Variants in GOLGA7 observed in about 807,000 individuals in gnomAD.
GOLGA7 encodes golgin subfamily A member 7.
In GOLGA7, 10 loss-of-function variants were observed where a neutral mutation model predicts 21.1. The ratio of observed to expected loss-of-function variants is 0.47; its 90% confidence interval spans 0.29 to 0.80. The LOEUF is 0.80. Among genes scored for constraint, GOLGA7 ranks in the 30% least tolerant of loss-of-function variants. The pLI is 0.08. For missense variants in GOLGA7, 114 were observed against 166.8 expected, an observed-to-expected ratio of 0.68 and a Z score of 1.74; for synonymous variants, 64 against 62.6, an observed-to-expected ratio of 1.02 and a Z score of -0.10.
rs753305743 is a variant in GOLGA7, at chr8:41,490,725, G to T, written c.-130G>T. ...GGGTGAAGGGGAGCGGGGCAGAGGA[G>T]GCCTTGGGCTGTTTTCGGCGGCGGG... is the stretch of plus-strand genomic sequence containing the variant. On this transcript the variant is annotated 5_prime_UTR_variant, in exon 1 of 5. In the 5' UTR this introduces an upstream ATG that the reference lacks. Transcript: ENST00000357743. 8.1e-4 allele frequency: 511 copies of T among 627,714 alleles called. 2 individuals carry two copies. The highest frequency in any genetic ancestry group is 1.0e-3 in the Non-Finnish European group (350 of 347,430). 38.9% of individuals were successfully genotyped at this position (627,714 alleles called of 1,614,324 possible).
intron 1 of GOLGA7, among the ~76,000 whole-genome samples, chr8:41,491,929 G>A (rs1454120264): frequency 6.6e-6 from 1 of 152,182 alleles, no homozygotes; most frequent in Non-Finnish European, 1.5e-5. Flanking sequence ...GTGTGGGACT[G>A]AGAGATGCTG....
At chr8:41,495,438 C>A (rs112770562) in intron 1 of GOLGA7, among the ~76,000 whole-genome samples, 4 of 151,828 alleles carry the variant, frequency 2.6e-5, no homozygotes, top group African/African-American at 9.6e-5. Flanking sequence ...GCATGCACCA[C>A]CACGCCTGGC....
chr8:41,499,290 A>G lies in GOLGA7; in HGVS notation c.264+1629A>G, dbSNP rs554448851. Among the ~76,000 whole-genome samples the G allele has an allele frequency of 1.2e-3, 188 of 152,226 alleles. 1 individual carries two copies. Among genetic ancestry groups the G allele is most frequent in the Non-Finnish European group, 2.3e-3 (156 of 67,996 alleles). Reference sequence around the variant, plus strand: ...CAGCTCCTGAAGCCCCAGTGGGCATATGTTACAGGGTGCTCTTTTAGTTTA... The same window carrying G: ...CAGCTCCTGAAGCCCCAGTGGGCATGTGTTACAGGGTGCTCTTTTAGTTTA... On this transcript the variant is annotated intron_variant, in intron 2 of 4. Coordinates refer to ENST00000357743, the MANE Select transcript of GOLGA7 (RefSeq NM_001002296.2).
At chr8:41,493,032 A>G (rs1805922771) in intron 1 of GOLGA7, among the ~76,000 whole-genome samples, 1 of 152,196 alleles carries the variant, frequency 6.6e-6, no homozygotes, top group South Asian at 2.1e-4. Flanking sequence ...TTGACTCTGT[A>G]TAGCCCAGAA....
Position 41,509,991 on chromosome 8 carries a change from A to G in GOLGA7, c.*423A>G, listed in dbSNP as rs1332571649. 3 of 152,488 alleles carry G rather than the reference A, an allele frequency of 2.0e-5. No homozygotes were observed. Among genetic ancestry groups the G allele is most frequent in the African/African-American group, 7.3e-5 (3 of 41,378 alleles). The allele number at this position is 152,488 out of a possible 1,614,324, so 9.4% of individuals were successfully genotyped here. A position where few individuals can be genotyped will look rare whatever the true frequency, so the allele number is the denominator to read the frequency against. Reference sequence around the variant, plus strand: ...CAAGCCGTATCTTCACCAGTGTTCTATCTTGTTCCCCTAAATTAATAAAAT... The same window carrying G: ...CAAGCCGTATCTTCACCAGTGTTCTGTCTTGTTCCCCTAAATTAATAAAAT... On this transcript the variant is annotated 3_prime_UTR_variant, in exon 5 of 5. Transcript: ENST00000357743.
intron 1 of GOLGA7, among the ~76,000 whole-genome samples, chr8:41,495,548 T>TA (rs1805990673): frequency 6.6e-6 from 1 of 150,540 alleles, no homozygotes. Flanking sequence ...ACTTCCCAAG[T>TA]GCTGGGATTA....
chr8:41,495,146 T>A (rs1322930474), intron 1 of GOLGA7, among the ~76,000 whole-genome samples: 1 of 124,510 alleles, frequency 8.0e-6, no homozygotes, highest in African/African-American at 3.2e-5. Flanking sequence ...GAGGTTACAG[T>A]GAGCCAAGAT....
At chr8:41,497,728 G>C in intron 2 of GOLGA7, 67 bp downstream of exon 2, 4 of 783,486 alleles carry the variant, frequency 5.1e-6, no homozygotes, top group Non-Finnish European at 8.7e-6. Context: ...ATTACACATT[G>C]ATGCTTACAT....
chr8:41,506,799 C>T (rs944299186), intron 3 of GOLGA7, among the ~76,000 whole-genome samples: 1 of 152,104 alleles, frequency 6.6e-6, no homozygotes. Context: ...AATAAAGCAT[C>T]GTTTTCAGAA....
intron 2 of GOLGA7, among the ~76,000 whole-genome samples, chr8:41,504,120 T>TAAAAAAAAAAAAAA (rs58682911): frequency 5.0e-5 from 6 of 121,148 alleles, no homozygotes; most frequent in East Asian, 2.6e-4. Context: ...TAGAGTATAA[T>TAAAAAAAAAAAAAA]AAAAAAAAAA....
At chr8:41,496,367 G>A (rs1490959085) in intron 1 of GOLGA7, among the ~76,000 whole-genome samples, 1 of 152,010 alleles carries the variant, frequency 6.6e-6, no homozygotes, top group Non-Finnish European at 1.5e-5. Flanking sequence ...CCCACTTGTG[G>A]TATCATGTCA....
intron 3 of GOLGA7, among the ~76,000 whole-genome samples, chr8:41,506,478 TTTTTAGA>T (rs1806290188): frequency 6.6e-6 from 1 of 152,200 alleles, no homozygotes; most frequent in Non-Finnish European, 1.5e-5. Context: ...ACTGTGCATA[TTTTTAGA>T]GGCAGTAAGC....
chr8:41,510,557 A>G lies in GOLGA7; in HGVS notation c.*989A>G, dbSNP rs2150449958. 6.5e-6 allele frequency: 1 copy of G among 152,734 alleles called. No individual in the cohort carries two copies. The highest frequency in any genetic ancestry group is 1.9e-4 in the East Asian group (1 of 5,188). 9.5% of individuals were successfully genotyped at this position (152,734 alleles called of 1,614,324 possible). On this transcript the variant is annotated 3_prime_UTR_variant, in exon 5 of 5. Transcript: ENST00000357743. ...CATATACAGTATTCAGTGCACAGAA[A>G]TCTTATGATTGGCTCAAGTACAGTA... is the stretch of plus-strand genomic sequence containing the variant.
chr8:41,501,903 T>C (rs569520125), intron 2 of GOLGA7, among the ~76,000 whole-genome samples: 1 of 152,298 alleles, frequency 6.6e-6, no homozygotes, highest in South Asian at 2.1e-4. Flanking sequence ...ACAATGGAAA[T>C]TGGTTGATCC....
Position 41,492,505 on chromosome 8 carries a change from T to G in GOLGA7, c.111+1540T>G, listed in dbSNP as rs182889919. Among the ~76,000 whole-genome samples the G allele has an allele frequency of 2.1e-3, 312 of 152,170 alleles. 2 individuals are homozygous for G. Among genetic ancestry groups the G allele is most frequent in the African/African-American group, 7.1e-3 (296 of 41,512 alleles). ...GGTGAAACCCCATCTCTACTAAAAA[T>G]ACAAAAATTAGTCAGGCATGGTGGC... On this transcript the variant is annotated intron_variant, in intron 1 of 4. Coordinates refer to ENST00000357743, the MANE Select transcript of GOLGA7 (RefSeq NM_001002296.2).
chr8:41,505,311 A>G (rs1184537262), intron 2 of GOLGA7, among the ~76,000 whole-genome samples: 1 of 152,230 alleles, frequency 6.6e-6, no homozygotes, highest in East Asian at 1.9e-4. Context: ...TGGAAATGAC[A>G]TAAGACACTT....
At position 41,490,647 on chromosome 8, in the gene GOLGA7, T is replaced by TG. The variant is rs1306121727; in HGVS notation, c.-202dup. The stretch of plus-strand genomic sequence containing the variant: ...GTGTTTCCCGGGCCGAACCGGGTTG[T>TG]GGGGGGCGCGGGGCCTGGGCCAGGC... On this transcript the variant is annotated 5_prime_UTR_variant, in exon 1 of 5. Coordinates refer to ENST00000357743, the MANE Select transcript of GOLGA7 (RefSeq NM_001002296.2). 2 of 533,448 alleles carry TG rather than the reference T, an allele frequency of 3.7e-6. No individual in the cohort carries two copies. The highest frequency in any genetic ancestry group is 2.4e-5 in the South Asian group (1 of 41,468). 33.0% of individuals were successfully genotyped at this position (533,448 alleles called of 1,614,324 possible).
In GOLGA7 at chr8:41,497,736, C is replaced by T. The variant is rs1806055593; in HGVS notation, c.264+75C>T. The T allele has an allele frequency of 5.4e-6, 4 of 747,470 alleles. No homozygotes were observed. In the East Asian group the frequency reaches 7.5e-5, roughly 14 times the overall value. The allele number at this position is 747,470 out of a possible 1,614,324, so 46.3% of individuals were successfully genotyped here. A position where few individuals can be genotyped will look rare whatever the true frequency, so the allele number is the denominator to read the frequency against. ...CAAGTTTATTACACATTGATGCTTA[C>T]ATGGTGATAGTTGCCGTAAAATATT... is the stretch of plus-strand genomic sequence containing the variant. On this transcript the variant is annotated intron_variant, in intron 2 of 4. Coordinates refer to ENST00000357743, the MANE Select transcript of GOLGA7 (RefSeq NM_001002296.2).
In GOLGA7 at chr8:41,490,980, T is replaced by C. The variant is rs1476308690; in HGVS notation, c.111+15T>C. 7.2e-7 allele frequency: 1 copy of C among 1,381,000 alleles called. No individual in the cohort carries two copies. The allele number at this position is 1,381,000 out of a possible 1,614,324, so 85.5% of individuals were successfully genotyped here. On this transcript the variant is annotated intron_variant, in intron 1 of 4. Coordinates refer to ENST00000357743, the MANE Select transcript of GOLGA7 (RefSeq NM_001002296.2). ...TGGAGAACCGGGTACGCAACCTGGC[T>C]CCCCACGCCTGCTCTGGCGAGGGAG...
Sources: gnomAD v4.1 joint callset for allele counts (sites outside exome capture counted in the v4.1 genomes callset) on GRCh38, gnomAD v4.1.1 for gene constraint, MANE v1.5 for transcripts, NCBI Gene and HGNC (gene_info 2026-07-23, HGNC 2026-07-21) for gene names.